Variants in SYT1 observed in about 807,000 individuals in gnomAD.
SYT1 encodes synaptotagmin 1, also known as synaptotagmin-1.
In SYT1, 8 loss-of-function variants were observed where a neutral mutation model predicts 44.8. That is an observed-to-expected ratio of 0.18 (90% CI 0.10 to 0.32). The LOEUF (loss-of-function observed/expected upper bound fraction) is 0.32. Ranked by LOEUF, SYT1 falls within the 10% of genes least tolerant of loss-of-function variation. SYT1 has a pLI of 1.00. For synonymous variants in SYT1, 154 were observed against 188.8 expected, an observed-to-expected ratio of 0.82 and a Z score of 1.51; for missense variants, 286 against 509.3, an observed-to-expected ratio of 0.56 and a Z score of 4.22.
At chr12:79,111,804 G>T (rs1231514025) in intron 3 of SYT1, among the ~76,000 whole-genome samples, 1 of 151,668 alleles carries the variant, frequency 6.6e-6, no homozygotes, top group African/African-American at 2.4e-5. Flanking sequence ...TTCCCTCACA[G>T]CTCAGACAAG....
intron 8 of SYT1, among the ~76,000 whole-genome samples, chr12:79,345,064 G>C (rs1274923650): frequency 6.6e-6 from 1 of 151,966 alleles, no homozygotes; most frequent in Non-Finnish European, 1.5e-5. Context: ...TTGTGGACAG[G>C]GTTCATCCTG....
At chr12:79,239,768 A>T (rs1876392016) in intron 4 of SYT1, among the ~76,000 whole-genome samples, 1 of 152,218 alleles carries the variant, frequency 6.6e-6, no homozygotes, top group Non-Finnish European at 1.5e-5. Flanking sequence ...ACCACAGAAG[A>T]GGGAGTCCAG....
chr12:78,975,351 C>G (rs1868747006), intron 1 of SYT1, among the ~76,000 whole-genome samples: 1 of 152,162 alleles, frequency 6.6e-6, no homozygotes. Context: ...GGGGTGGAGG[C>G]AGTTGTTTCT....
At chr12:78,925,132 T>C (rs1284221451) in intron 1 of SYT1, among the ~76,000 whole-genome samples, 1 of 151,990 alleles carries the variant, frequency 6.6e-6, no homozygotes, top group Admixed American at 6.6e-5. Context: ...CTTAAAACTC[T>C]TAAATTCAAA....
rs1026828447 is a variant in SYT1 at position 79,446,573 on chromosome 12, A to G, written c.1063-2345A>G. On this transcript the variant is annotated intron_variant, in intron 10 of 10. Coordinates refer to ENST00000261205, the MANE Select transcript of SYT1 (RefSeq NM_005639.3). ...ACTCTGTAGTATAGGGCAGTCTTAA[A>G]TGACCAAAAATAACCAATAACTCTA... 4.6e-5 allele frequency among the ~76,000 whole-genome samples: 7 copies of G among 152,268 alleles called. No homozygotes were observed. The South Asian group carries it at 1.0e-3, about 23-fold the overall frequency.
At chr12:79,315,605 G>A (rs890123123) in intron 8 of SYT1, among the ~76,000 whole-genome samples, 6 of 152,148 alleles carry the variant, frequency 3.9e-5, no homozygotes, top group African/African-American at 1.4e-4. Context: ...CCTCAGGTGT[G>A]CTGGAAATGT....
At chr12:78,879,949 T>C (rs1297210647) in intron 1 of SYT1, among the ~76,000 whole-genome samples, 1 of 151,772 alleles carries the variant, frequency 6.6e-6, no homozygotes, top group African/African-American at 2.4e-5. Flanking sequence ...TTAAATTCTA[T>C]GCAGCCTTCA....
chr12:79,133,579 C>T (rs1868990584), intron 3 of SYT1, among the ~76,000 whole-genome samples: 1 of 152,072 alleles, frequency 6.6e-6, no homozygotes, highest in South Asian at 2.1e-4. Context: ...TACATTTCTT[C>T]CTTGGCATTG....
At chr12:79,356,145 G>A (rs1883103644) in intron 9 of SYT1, among the ~76,000 whole-genome samples, 1 of 145,014 alleles carries the variant, frequency 6.9e-6, no homozygotes. Flanking sequence ...GGGCTTCTGG[G>A]AGAGAGAACA....
At chr12:79,056,545 A>C (rs375393267) in intron 3 of SYT1, among the ~76,000 whole-genome samples, 59 of 152,052 alleles carry the variant, frequency 3.9e-4, no homozygotes, top group African/African-American at 5.6e-4. Flanking sequence ...CTATCTTATC[A>C]TGAAATTATT....
chr12:78,933,442 T>C (rs1418546458), intron 1 of SYT1, among the ~76,000 whole-genome samples: 6 of 152,182 alleles, frequency 3.9e-5, no homozygotes, highest in African/African-American at 4.8e-5. Context: ...AGGAAAATCA[T>C]TGTTATGGCT....
At chr12:79,301,155 T>C (rs1880132283) in intron 8 of SYT1, among the ~76,000 whole-genome samples, 1 of 152,070 alleles carries the variant, frequency 6.6e-6, no homozygotes, top group Non-Finnish European at 1.5e-5. Context: ...ACTGATTGGT[T>C]TTATTAATTG....
rs149420773 is a variant in SYT1 at position 78,986,151 on chromosome 12, T to G, written c.-84+8220T>G. On this transcript the variant is annotated intron_variant, in intron 2 of 10. Transcript: ENST00000261205. ...AAACGGAAAATCTAAGTTTGTGTTT[T>G]TCTACTGAAAGAAATGTCGCTGGTG... Among the ~76,000 whole-genome samples the G allele has an allele frequency of 5.9e-3, 899 of 152,176 alleles. 8 individuals carry two copies. Among genetic ancestry groups the G allele is most frequent in the Non-Finnish European group, 0.011 (729 of 67,918 alleles).
intron 3 of SYT1, among the ~76,000 whole-genome samples, chr12:79,143,826 G>T (rs1049863720): frequency 1.3e-5 from 2 of 152,132 alleles, no homozygotes; most frequent in African/African-American, 4.8e-5. Context: ...CAGGCCTGTG[G>T]TTTGCTGTTG....
chr12:79,393,679 T>G (rs1462754516), intron 9 of SYT1: 1 of 152,212 alleles, frequency 6.6e-6, no homozygotes, highest in African/African-American at 2.4e-5. Context: ...TTTGTTTAAG[T>G]TCTTTGTAGA....
At chr12:78,901,675 T>C (rs1471136250) in intron 1 of SYT1, among the ~76,000 whole-genome samples, 1 of 152,180 alleles carries the variant, frequency 6.6e-6, no homozygotes, top group African/African-American at 2.4e-5. Flanking sequence ...TTTGTTCATG[T>C]AGTTGTTGGC....
At chr12:79,316,139 C>T (rs561347861) in intron 8 of SYT1, among the ~76,000 whole-genome samples, 3 of 152,274 alleles carry the variant, frequency 2.0e-5, no homozygotes, top group Middle Eastern at 3.4e-3. Flanking sequence ...CATTTCTTAT[C>T]CCCAAAGAAG....
intron 8 of SYT1, among the ~76,000 whole-genome samples, chr12:79,308,582 GAA>G (rs1565901294): frequency 7.7e-6 from 1 of 130,704 alleles, no homozygotes; most frequent in African/African-American, 3.0e-5. Context: ...AGAAAAGAAG[GAA>G]AAGAAAGAAG....
At chr12:79,421,107 C>T (rs1456201780) in intron 9 of SYT1, among the ~76,000 whole-genome samples, 1 of 152,102 alleles carries the variant, frequency 6.6e-6, no homozygotes, top group Non-Finnish European at 1.5e-5. Flanking sequence ...GACCTAAAAA[C>T]ACCACTCTGC....
Sources: gnomAD v4.1 joint callset for allele counts (sites outside exome capture counted in the v4.1 genomes callset) on GRCh38, gnomAD v4.1.1 for gene constraint, MANE v1.5 for transcripts, NCBI Gene and HGNC (gene_info 2026-07-23, HGNC 2026-07-21) for gene names.